Variants in CTNNA3 observed in about 807,000 individuals in gnomAD.
CTNNA3 encodes the protein catenin alpha 3.
CTNNA3 carries 76 observed loss-of-function variants against 95.7 expected under a neutral mutation model. That is an observed-to-expected ratio of 0.79 (90% CI 0.66 to 0.96). The LOEUF is 0.96. Ranked by LOEUF, CTNNA3 falls within the 40% of genes least tolerant of loss-of-function variation. The pLI is 0.00. For synonymous variants in CTNNA3, 431 were observed against 374.4 expected, an observed-to-expected ratio of 1.15 and a Z score of -1.74; for missense variants, 1,191 against 1,089.8, an observed-to-expected ratio of 1.09 and a Z score of -1.31.
intron 7 of CTNNA3, among the ~76,000 whole-genome samples, chr10:66,845,654 G>C (rs1843218371): frequency 7.5e-6 from 1 of 133,428 alleles, no homozygotes; most frequent in South Asian, 2.5e-4. Context: ...GGTGAGCCGA[G>C]ATCGCGCCAT....
intron 7 of CTNNA3, among the ~76,000 whole-genome samples, chr10:67,132,496 A>G (rs1860067357): frequency 6.6e-6 from 1 of 152,142 alleles, no homozygotes; most frequent in Non-Finnish European, 1.5e-5. Context: ...CAAGAAATCG[A>G]GGAGATGTAC....
At position 66,361,831 on chromosome 10, in the gene CTNNA3, C is replaced by T. The variant is rs528249856; in HGVS notation, c.1732+17321G>A. Among the ~76,000 whole-genome samples the T allele has an allele frequency of 8.3e-4, 127 of 152,188 alleles. 2 individuals are homozygous for T. The highest frequency in any genetic ancestry group is 7.1e-3 in the South Asian group (34 of 4,818). The stretch of plus-strand genomic sequence containing the variant: ...GGAATTACAGGTATGAGCCACCATG[C>T]CCAACCTAACCATTCTTTTTGAGAT... On this transcript the variant is annotated intron_variant, in intron 12 of 17. Coordinates refer to ENST00000433211, the MANE Select transcript of CTNNA3 (RefSeq NM_013266.4).
intron 11 of CTNNA3, among the ~76,000 whole-genome samples, chr10:66,408,755 C>G (rs1299165229): frequency 6.6e-6 from 1 of 152,104 alleles, no homozygotes; most frequent in African/African-American, 2.4e-5. Context: ...ATTCAGATGT[C>G]TAATGAGTAC....
chr10:67,441,945 G>A, intron 5 of CTNNA3, among the ~76,000 whole-genome samples: 1 of 152,040 alleles, frequency 6.6e-6, no homozygotes, highest in East Asian at 1.9e-4. Flanking sequence ...CTACTCTTAA[G>A]TACAAAAACT....
intron 17 of CTNNA3, among the ~76,000 whole-genome samples, chr10:65,933,387 G>T (rs1353944647): frequency 6.6e-6 from 1 of 152,092 alleles, no homozygotes; most frequent in Non-Finnish European, 1.5e-5. Flanking sequence ...TTACTCACTT[G>T]CATTCTGATA....
At chr10:67,538,670 TGAA>T (rs1840565956) in intron 4 of CTNNA3, among the ~76,000 whole-genome samples, 1 of 151,996 alleles carries the variant, frequency 6.6e-6, no homozygotes, top group Non-Finnish European at 1.5e-5. Flanking sequence ...GATTTTGACA[TGAA>T]GGTTAATCAA....
chr10:67,714,813 C>T (rs1564838860), intron 1 of CTNNA3, among the ~76,000 whole-genome samples: 1 of 152,120 alleles, frequency 6.6e-6, no homozygotes, highest in African/African-American at 2.4e-5. Flanking sequence ...CTTTCCCATG[C>T]TATTCTCAGT....
At chr10:66,584,882 A>C (rs1198061534) in intron 10 of CTNNA3, among the ~76,000 whole-genome samples, 1 of 152,044 alleles carries the variant, frequency 6.6e-6, no homozygotes, top group East Asian at 1.9e-4. Context: ...CTGGTTTAGT[A>C]TTGACAAATT....
intron 5 of CTNNA3, among the ~76,000 whole-genome samples, chr10:67,235,694 C>G (rs1200885636): frequency 1.4e-5 from 2 of 142,944 alleles, no homozygotes; most frequent in South Asian, 4.5e-4. Flanking sequence ...AGCTTCTGCA[C>G]AGCAAAAGAA....
intron 5 of CTNNA3, among the ~76,000 whole-genome samples, chr10:67,361,338 C>A (rs113143998): frequency 0.041 from 6,227 of 152,234 alleles, 182 homozygotes; most frequent in South Asian, 0.1. Context: ...TTCTCATCTG[C>A]ACACAGAACA....
In CTNNA3 at chr10:65,920,442, A is replaced by G; in HGVS notation, c.2576T>C (p.Ile859Thr). 2 of 1,614,086 alleles carry G rather than the reference A, an allele frequency of 1.2e-6. No homozygotes were observed. The highest frequency in any genetic ancestry group is 8.5e-7 in the Non-Finnish European group (1 of 1,180,016). ...RMKAPAKKPL[I>T]KREKPEETCA... is the part of the protein sequence containing the mutation. ...CGTTTCCTCTGGCTTCTCTCTTTTAATCAAGGGTTTTTTTGCAGGAGCCTT... is the reference window on the plus strand; with the variant it reads ...CGTTTCCTCTGGCTTCTCTCTTTTAGTCAAGGGTTTTTTTGCAGGAGCCTT... The change falls in exon 18 of 18, where the codon ATT (isoleucine) becomes ACT (threonine). Residue 859 changes from isoleucine to threonine, a missense_variant. Physicochemically the swap from Ile to Thr is moderately conservative, Grantham distance 89 (BLOSUM62 -1). Transcript: ENST00000433211.
At chr10:67,220,847 C>T (rs1864620791) in intron 5 of CTNNA3, among the ~76,000 whole-genome samples, 2 of 152,102 alleles carry the variant, frequency 1.3e-5, no homozygotes, top group East Asian at 1.9e-4. Context: ...TCATGTACCC[C>T]TTGATATACT....
intron 7 of CTNNA3, among the ~76,000 whole-genome samples, chr10:66,905,817 G>C (rs1014358883): frequency 6.6e-6 from 1 of 152,142 alleles, no homozygotes; most frequent in Non-Finnish European, 1.5e-5. Flanking sequence ...AATGGTGGTT[G>C]CCAGGCATTG....
chr10:66,055,608 G>C (rs1331213881), intron 15 of CTNNA3, among the ~76,000 whole-genome samples: 2 of 151,980 alleles, frequency 1.3e-5, no homozygotes, highest in Admixed American at 1.3e-4. Flanking sequence ...AGTAACTTTT[G>C]GGATAGTCTT....
intron 13 of CTNNA3, among the ~76,000 whole-genome samples, chr10:66,278,700 A>T (rs927034185): frequency 6.6e-6 from 1 of 152,092 alleles, no homozygotes; most frequent in African/African-American, 2.4e-5. Flanking sequence ...AGCTTTAGTA[A>T]GAAGAAAAAT....
intron 5 of CTNNA3, among the ~76,000 whole-genome samples, chr10:67,388,717 A>G (rs2132759693): frequency 6.6e-6 from 1 of 152,286 alleles, no homozygotes; most frequent in Admixed American, 6.5e-5. Context: ...ATCTCTCGGC[A>G]GAAACCCTAC....
intron 5 of CTNNA3, among the ~76,000 whole-genome samples, chr10:67,277,103 A>C (rs952327045): frequency 7.9e-5 from 12 of 152,124 alleles, no homozygotes; most frequent in African/African-American, 2.9e-4. Context: ...CATGCTTTCA[A>C]GTGGCAATTC....
chr10:67,477,001 C>G (rs1022379886), intron 5 of CTNNA3, among the ~76,000 whole-genome samples: 2 of 151,530 alleles, frequency 1.3e-5, no homozygotes, highest in South Asian at 4.2e-4. Context: ...CTGTCCCATG[C>G]CCAGCGATAC....
intron 10 of CTNNA3, among the ~76,000 whole-genome samples, chr10:66,549,133 A>G (rs1179440753): frequency 6.6e-6 from 1 of 151,782 alleles, no homozygotes; most frequent in African/African-American, 2.4e-5. Flanking sequence ...GGACTACAGT[A>G]CAGGCGCCCG....
Sources: allele counts gnomAD v4.1 joint callset (sites outside exome capture counted in the v4.1 genomes callset), GRCh38; gene constraint gnomAD v4.1.1; transcripts MANE v1.5; gene names NCBI Gene and HGNC (gene_info 2026-07-23, HGNC 2026-07-21).